RAI14: variants seen among roughly 807,000 people sequenced by gnomAD.
RAI14 encodes the protein retinoic acid induced 14, also known as ankycorbin.
Under a neutral mutation model 115.4 loss-of-function variants are expected in RAI14, and 45 were observed. The ratio of observed to expected loss-of-function variants is 0.39; its 90% CI spans 0.31 to 0.50. RAI14 has a LOEUF of 0.50. Ranked by LOEUF, RAI14 falls within the 20% of genes least tolerant of loss-of-function variation. The pLI is 0.85. For missense variants in RAI14, 939 were observed against 1,131.2 expected (o/e 0.83, Z 2.44); for synonymous variants, 371 against 415.4 (o/e 0.89, Z 1.30).
intron 2 of RAI14, among the ~76,000 whole-genome samples, chr5:34,703,195 A>G (rs1291315642): frequency 6.6e-6 from 1 of 152,230 alleles, no homozygotes. Flanking sequence ...AGTGGAGAGA[A>G]ATTCAAGTTA....
At chr5:34,765,757 T>A (rs2150117017) in intron 3 of RAI14, among the ~76,000 whole-genome samples, 1 of 152,240 alleles carries the variant, frequency 6.6e-6, no homozygotes, top group South Asian at 2.1e-4. Flanking sequence ...CAAGGAGCCT[T>A]CCCAAGACCA....
intron 3 of RAI14, among the ~76,000 whole-genome samples, chr5:34,773,266 G>A (rs961344727): frequency 6.4e-4 from 98 of 152,068 alleles, no homozygotes; most frequent in African/African-American, 2.2e-3. Context: ...AACTCACAAT[G>A]GATTCAAGAC....
At chr5:34,811,174 G>A in intron 8 of RAI14, 56 bp downstream of exon 8, 1 of 1,562,622 alleles carries the variant, frequency 6.4e-7, no homozygotes, top group Non-Finnish European at 8.8e-7. Flanking sequence ...CATTCTGAGA[G>A]TATTTCAAAA....
chr5:34,691,517 A>G (rs933753299), intron 2 of RAI14, among the ~76,000 whole-genome samples: 1 of 152,198 alleles, frequency 6.6e-6, no homozygotes, highest in African/African-American at 2.4e-5. Flanking sequence ...AAATGAGGCC[A>G]AAAAGGCTGG....
At chr5:34,735,245 G>A (rs10052395) in intron 2 of RAI14, among the ~76,000 whole-genome samples, 24,895 of 152,046 alleles carry the variant, frequency 0.16, 2,133 homozygotes, top group South Asian at 0.21. Context: ...ACTGATAGTG[G>A]TTTCATTTTT....
At chr5:34,799,685 ATTTT>A (rs57115550) in intron 4 of RAI14, among the ~76,000 whole-genome samples, 5 of 103,406 alleles carry the variant, frequency 4.8e-5, no homozygotes, top group Admixed American at 1.1e-4. Context: ...ATCTGTTAGC[ATTTT>A]TTTTTTTTTT....
intron 2 of RAI14, among the ~76,000 whole-genome samples, chr5:34,753,786 T>TAC (rs1747478936): frequency 1.3e-5 from 2 of 152,078 alleles, no homozygotes; most frequent in Admixed American, 6.6e-5. Flanking sequence ...TGGTGGCATG[T>TAC]GCCTGTAGTC....
intron 2 of RAI14, among the ~76,000 whole-genome samples, chr5:34,711,491 ACTT>A (rs1394569335): frequency 1.3e-5 from 2 of 152,158 alleles, no homozygotes; most frequent in Non-Finnish European, 2.9e-5. Context: ...GGTTATTTTT[ACTT>A]CTTTTGTGGA....
At chr5:34,784,115 G>C (rs542874941) in intron 3 of RAI14, among the ~76,000 whole-genome samples, 53 of 152,308 alleles carry the variant, frequency 3.5e-4, no homozygotes, top group African/African-American at 1.1e-3. Flanking sequence ...AATAGCTTTA[G>C]CTTCTTTCAT....
At position 34,684,389 on chromosome 5, in the gene RAI14, G is replaced by C. The variant is rs182472679; in HGVS notation, c.-48-2483G>C. The C allele has an allele frequency of 1.2e-4, 18 of 152,368 alleles. No individual in the cohort carries two copies. The East Asian group carries it at 3.5e-3, about 29-fold the overall frequency. The allele number at this position is 152,368 out of a possible 1,614,324, so 9.4% of individuals were successfully genotyped here. A position where few individuals can be genotyped will look rare whatever the true frequency, so the allele number is the denominator to read the frequency against. ...TGTGGATTAACTAGGGGCTGACTTT[G>C]AGAAACACTGCCCTGGAATGTGCAC... On this transcript the variant is annotated intron_variant, in intron 1 of 17. Transcript: ENST00000265109.
intron 4 of RAI14, 139 bp downstream of exon 4, chr5:34,796,166 G>A (rs1412500313): frequency 6.3e-6 from 4 of 636,910 alleles, no homozygotes; most frequent in Non-Finnish European, 1.1e-5. Context: ...AGGGTGAGGT[G>A]TGTGGATCAC....
At chr5:34,757,696 C>G in intron 3 of RAI14, 98 bp downstream of exon 3, 1 of 1,388,298 alleles carries the variant, frequency 7.2e-7, no homozygotes, top group South Asian at 1.5e-5. Context: ...CACGTGCTCC[C>G]TCTCCACTCC....
At chr5:34,664,593 A>G (rs1742962920) in intron 1 of RAI14, among the ~76,000 whole-genome samples, 1 of 151,962 alleles carries the variant, frequency 6.6e-6, no homozygotes, top group African/African-American at 2.4e-5. Flanking sequence ...TATGATCTAG[A>G]TAAGTTCAAT....
At chr5:34,698,156 TTCCTCCCTCCCC>T (rs1157599181) in intron 2 of RAI14, among the ~76,000 whole-genome samples, 4 of 22,166 alleles carry the variant, frequency 1.8e-4, no homozygotes, top group Admixed American at 5.1e-4. Flanking sequence ...TCTGCCTCCC[TTCCTCCCTCCCC>T]TCCTCCCTTC....
intron 4 of RAI14, among the ~76,000 whole-genome samples, chr5:34,802,129 G>T (rs2150229633): frequency 6.6e-6 from 1 of 152,336 alleles, no homozygotes; most frequent in East Asian, 1.9e-4. Flanking sequence ...GGGACATTTG[G>T]CAATGTCTAG....
rs1561315251 is a variant in RAI14, at chr5:34,754,523, C to CGGCT, written c.37-2945_37-2944insGGCT. Among the ~76,000 whole-genome samples the CGGCT allele has an allele frequency of 3.6e-3, 535 of 148,376 alleles. 2 individuals carry two copies. Among genetic ancestry groups the CGGCT allele is most frequent in the Non-Finnish European group, 5.5e-3 (365 of 65,794 alleles). ...GATTACAGTTATGAGCTACCACGCC[C>CGGCT]AGGCTCTTACCTTCCCTCCTCTTTT... is the stretch of plus-strand genomic sequence containing the variant. On this transcript the variant is annotated intron_variant, in intron 2 of 17. Coordinates refer to ENST00000265109, the MANE Select transcript of RAI14 (RefSeq NM_015577.3).
chr5:34,729,538 G>A (rs1047539325), intron 2 of RAI14, among the ~76,000 whole-genome samples: 12 of 152,182 alleles, frequency 7.9e-5, no homozygotes, highest in African/African-American at 2.2e-4. Context: ...GGAAGTACGC[G>A]CTACCTTCTA....
chr5:34,723,920 C>G (rs1743123436), intron 2 of RAI14, among the ~76,000 whole-genome samples: 1 of 152,090 alleles, frequency 6.6e-6, no homozygotes, highest in African/African-American at 2.4e-5. Flanking sequence ...TAGGAAATTG[C>G]TTGGTCTATG....
chr5:34,695,469 G>A (rs1018547270), intron 2 of RAI14, among the ~76,000 whole-genome samples: 3 of 152,206 alleles, frequency 2.0e-5, no homozygotes, highest in African/African-American at 4.8e-5. Flanking sequence ...TCTGTGCAGT[G>A]TGCTAGCCAC....
Sources: gnomAD v4.1 joint callset for allele counts (sites outside exome capture counted in the v4.1 genomes callset) on GRCh38, gnomAD v4.1.1 for gene constraint, MANE v1.5 for transcripts, NCBI Gene and HGNC (gene_info 2026-07-23, HGNC 2026-07-21) for gene names.